Variants in SLC39A11 observed in about 807,000 individuals in gnomAD.
SLC39A11 encodes solute carrier family 39 member 11.
In SLC39A11, 33 loss-of-function variants were observed where a neutral mutation model predicts 36.1. That is an observed-to-expected ratio of 0.91 (90% CI 0.69 to 1.22). The LOEUF (loss-of-function observed/expected upper bound fraction) is 1.22, where lower values mean the gene tolerates loss of function less well. Among genes scored for constraint, SLC39A11 ranks in the 50% most tolerant of loss-of-function variants. SLC39A11 has a pLI of 0.00. For synonymous variants in SLC39A11, 166 were observed against 170.3 expected, an observed-to-expected ratio of 0.97 and a Z score of 0.20; for missense variants, 432 against 430.3, an observed-to-expected ratio of 1.00 and a Z score of -0.03.
chr17:72,754,037 TATATATATACACATACAC>T lies in SLC39A11; in HGVS notation c.602-17336_602-17319del, dbSNP rs1224636447. Among the ~76,000 whole-genome samples the T allele has an allele frequency of 1.2e-3, 146 of 119,624 alleles. 1 individual carries two copies. The highest frequency in any genetic ancestry group is 4.0e-3 in the South Asian group (15 of 3,726). 78.5% of individuals were successfully genotyped at this position (119,624 alleles called of 152,430 possible). ...GTATATATGTATATATATATATATA[TATATATATACACATACAC>T]ACACACACACACACACACACACACA... On this transcript the variant is annotated intron_variant, in intron 6 of 9. Coordinates refer to ENST00000255559, the MANE Select transcript of SLC39A11 (RefSeq NM_139177.4).
At chr17:72,673,467 C>G (rs2071107651) in intron 7 of SLC39A11, among the ~76,000 whole-genome samples, 1 of 152,034 alleles carries the variant, frequency 6.6e-6, no homozygotes, top group South Asian at 2.1e-4. Flanking sequence ...TACAATGTAT[C>G]TTATTTATTT....
At chr17:72,801,667 A>G (rs1765937991) in intron 6 of SLC39A11, among the ~76,000 whole-genome samples, 2 of 152,228 alleles carry the variant, frequency 1.3e-5, no homozygotes, top group African/African-American at 4.8e-5. Context: ...AAAATTTACT[A>G]TGTATATTGT....
chr17:72,817,559 A>T (rs1459657482), intron 6 of SLC39A11, among the ~76,000 whole-genome samples: 1 of 152,160 alleles, frequency 6.6e-6, no homozygotes, highest in African/African-American at 2.4e-5. Context: ...CCCACATCCA[A>T]ACCACAGCAG....
At chr17:72,952,478 C>T (rs946513278) in intron 4 of SLC39A11, among the ~76,000 whole-genome samples, 2 of 152,164 alleles carry the variant, frequency 1.3e-5, no homozygotes, top group Non-Finnish European at 2.9e-5. Context: ...TCCCCCACCC[C>T]CCTGCTGCCA....
rs537435403 is a variant in SLC39A11, at chr17:72,743,939, C to T, written c.602-7220G>A. ...AAGTCCGACTGAACGCAGGGTGAGG[C>T]AGAGTCTGGAAGACAAACTTGAACA... On this transcript the variant is annotated intron_variant, in intron 6 of 9. Coordinates refer to ENST00000255559, the MANE Select transcript of SLC39A11 (RefSeq NM_139177.4). 3.3e-5 allele frequency among the ~76,000 whole-genome samples: 5 copies of T among 152,320 alleles called. No individual in the cohort carries two copies. In the East Asian group the frequency reaches 9.6e-4, roughly 29 times the overall value.
chr17:72,736,358 T>A (rs2074429328), intron 7 of SLC39A11, among the ~76,000 whole-genome samples: 1 of 152,168 alleles, frequency 6.6e-6, no homozygotes, highest in Non-Finnish European at 1.5e-5. Context: ...TTGTTTTTTG[T>A]CATTAGTCTT....
At chr17:72,888,735 C>T (rs1388870345) in intron 5 of SLC39A11, among the ~76,000 whole-genome samples, 1 of 151,834 alleles carries the variant, frequency 6.6e-6, no homozygotes, top group African/African-American at 2.4e-5. Context: ...GACTCCATCT[C>T]GATAAAAGAT....
intron 6 of SLC39A11, among the ~76,000 whole-genome samples, chr17:72,760,654 A>G (rs1238422970): frequency 6.6e-6 from 1 of 152,224 alleles, no homozygotes; most frequent in African/African-American, 2.4e-5. Context: ...TGGTGTATCA[A>G]CGGGGTTGAC....
rs569203678 is a variant in SLC39A11, at chr17:72,802,708, T to C, written c.601+46926A>G. Among the ~76,000 whole-genome samples, 5 of 151,916 alleles carry C rather than the reference T, an allele frequency of 3.3e-5. No individual in the cohort carries two copies. The East Asian group carries it at 7.7e-4, about 24-fold the overall frequency. ...CATGTGTATGGGGCGTGGTGGGGAA[T>C]AGGGGCTGGAAAAGCCATTTGTAGT... is the stretch of plus-strand genomic sequence containing the variant. On this transcript the variant is annotated intron_variant, in intron 6 of 9. Transcript: ENST00000255559.
At chr17:72,747,869 T>C (rs749425348) in intron 6 of SLC39A11, among the ~76,000 whole-genome samples, 1 of 152,190 alleles carries the variant, frequency 6.6e-6, no homozygotes, top group Admixed American at 6.5e-5. Flanking sequence ...TTAGAGGCTG[T>C]ATAAAGGATG....
At chr17:72,876,359 A>C (rs1171562161) in intron 5 of SLC39A11, among the ~76,000 whole-genome samples, 1 of 152,276 alleles carries the variant, frequency 6.6e-6, no homozygotes, top group Non-Finnish European at 1.5e-5. Context: ...CCAAGGAAGC[A>C]TGTTGTTAAG....
At chr17:73,067,467 T>C (rs7211461) in intron 3 of SLC39A11, among the ~76,000 whole-genome samples, 128,785 of 152,218 alleles carry the variant, frequency 0.85, 54,625 homozygotes, top group East Asian at 0.94. Context: ...GCTGACTCCA[T>C]GAACCTATTT....
At chr17:73,005,265 A>G (rs752506416) in intron 4 of SLC39A11, among the ~76,000 whole-genome samples, 3 of 152,208 alleles carry the variant, frequency 2.0e-5, no homozygotes, top group African/African-American at 4.8e-5. Flanking sequence ...GGCGTGAGCC[A>G]CCGTGCCCGG....
chr17:73,082,100 C>A (rs1350994157), intron 3 of SLC39A11, among the ~76,000 whole-genome samples: 7 of 83,086 alleles, frequency 8.4e-5, no homozygotes, highest in African/African-American at 1.7e-4. Context: ...CTGTTCCCCC[C>A]AAAACCTACT....
At chr17:72,851,450 G>A (rs1214137099) in intron 5 of SLC39A11, among the ~76,000 whole-genome samples, 2 of 152,188 alleles carry the variant, frequency 1.3e-5, no homozygotes, top group African/African-American at 4.8e-5. Flanking sequence ...CAGACAGAAT[G>A]AAGGGTCCCT....
At chr17:72,956,956 C>A (rs1417028977) in intron 4 of SLC39A11, among the ~76,000 whole-genome samples, 3 of 152,132 alleles carry the variant, frequency 2.0e-5, no homozygotes, top group Non-Finnish European at 2.9e-5. Flanking sequence ...CTCACTGGTG[C>A]ATCTGAGGTC....
At chr17:73,031,466 A>T in intron 4 of SLC39A11, 90 bp downstream of exon 4, 1 of 1,391,844 alleles carries the variant, frequency 7.2e-7, no homozygotes, top group East Asian at 2.3e-5. Context: ...CAGAGACATT[A>T]ACAGGTATGT....
At chr17:72,800,755 A>C (rs2567494) in intron 6 of SLC39A11, among the ~76,000 whole-genome samples, 98,608 of 151,922 alleles carry the variant, frequency 0.65, 32,820 homozygotes, top group Non-Finnish European at 0.74. Context: ...GCTCAAAAGG[A>C]AGCAGGGTGT....
chr17:72,963,399 T>C (rs1303299876), intron 4 of SLC39A11, among the ~76,000 whole-genome samples: 1 of 151,698 alleles, frequency 6.6e-6, no homozygotes, highest in African/African-American at 2.4e-5. Flanking sequence ...CTTGATCTCC[T>C]GACCTCGTGA....
Sources: gnomAD v4.1 joint callset for allele counts (sites outside exome capture counted in the v4.1 genomes callset) on GRCh38, gnomAD v4.1.1 for gene constraint, MANE v1.5 for transcripts, NCBI Gene and HGNC (gene_info 2026-07-23, HGNC 2026-07-21) for gene names.